CPQ: variants seen among roughly 807,000 people sequenced by gnomAD.
The protein encoded by CPQ is carboxypeptidase Q.
CPQ carries 37 observed loss-of-function variants against 45.7 expected under a neutral mutation model. The ratio of observed to expected loss-of-function variants is 0.81; its 90% CI spans 0.62 to 1.07. CPQ has a LOEUF of 1.07. Among genes scored for constraint, CPQ ranks in the 50% least tolerant of loss-of-function variants. The pLI is 0.00. For missense variants in CPQ, 537 were observed against 572.9 expected (o/e 0.94, Z 0.64); for synonymous variants, 186 against 205.8 (o/e 0.90, Z 0.82).
chr8:97,053,284 G>C (rs578155083), intron 6 of CPQ, among the ~76,000 whole-genome samples: 10 of 152,176 alleles, frequency 6.6e-5, no homozygotes, highest in Non-Finnish European at 1.5e-4. Context: ...AATCAAGACT[G>C]ATAATAAATT....
At chr8:97,101,058 C>G (rs1311917334) in intron 7 of CPQ, among the ~76,000 whole-genome samples, 5 of 152,110 alleles carry the variant, frequency 3.3e-5, no homozygotes, top group African/African-American at 1.2e-4. Flanking sequence ...TAATACTCAA[C>G]CACGTTTGTA....
chr8:97,000,736 C>T (rs1353912704), intron 5 of CPQ, among the ~76,000 whole-genome samples: 2 of 151,946 alleles, frequency 1.3e-5, no homozygotes, highest in African/African-American at 2.4e-5. Context: ...TTTTTTGGTT[C>T]CATGTGAATT....
chr8:97,101,504 T>G (rs867589240), intron 7 of CPQ, among the ~76,000 whole-genome samples: 14 of 150,692 alleles, frequency 9.3e-5, no homozygotes, highest in South Asian at 2.1e-4. Context: ...CCTTAGAGAC[T>G]CTGAGTCTAA....
At chr8:96,990,219 C>T (rs1003173544) in intron 5 of CPQ, among the ~76,000 whole-genome samples, 1 of 152,168 alleles carries the variant, frequency 6.6e-6, no homozygotes, top group Non-Finnish European at 1.5e-5. Context: ...TTGATGTCTC[C>T]TCTCCCTAGA....
At chr8:97,019,536 A>T (rs973204798) in intron 5 of CPQ, among the ~76,000 whole-genome samples, 1 of 152,214 alleles carries the variant, frequency 6.6e-6, no homozygotes, top group East Asian at 1.9e-4. Context: ...AGAAAAAGAG[A>T]TTCCATGCAA....
At chr8:96,804,574 T>A (rs1256679553) in intron 2 of CPQ, among the ~76,000 whole-genome samples, 1 of 152,128 alleles carries the variant, frequency 6.6e-6, no homozygotes, top group Non-Finnish European at 1.5e-5. Context: ...TATCTAGTTT[T>A]TTTAATTTTA....
chr8:96,900,966 A>G (rs1254911820), intron 4 of CPQ, among the ~76,000 whole-genome samples: 6 of 152,116 alleles, frequency 3.9e-5, no homozygotes, highest in East Asian at 1.9e-4. Flanking sequence ...GTCTCTGCCA[A>G]TTTTCTCTTT....
rs193224461 is a variant in CPQ, at chr8:96,981,488, T to C, written c.961+15442T>C. Among the ~76,000 whole-genome samples the C allele has an allele frequency of 4.6e-3, 698 of 152,322 alleles. 9 individuals are homozygous for C. Among genetic ancestry groups the C allele is most frequent in the African/African-American group, 0.015 (623 of 41,578 alleles). On this transcript the variant is annotated intron_variant, in intron 5 of 7. Coordinates refer to ENST00000220763, the MANE Select transcript of CPQ (RefSeq NM_016134.4). ...GGCAGGATGTTAGAATAAAGAAATA[T>C]TTTATGAAGTGCTTCATACTGGAAT... is the stretch of plus-strand genomic sequence containing the variant.
At chr8:96,854,328 G>A (rs1811811842) in intron 3 of CPQ, among the ~76,000 whole-genome samples, 1 of 151,242 alleles carries the variant, frequency 6.6e-6, no homozygotes, top group East Asian at 2.0e-4. Context: ...TCAGGAGATC[G>A]AGACCATCCC....
Position 96,864,402 on chromosome 8 carries a change from C to T in CPQ, c.642-15396C>T, listed in dbSNP as rs568375783. The stretch of plus-strand genomic sequence containing the variant: ...ACCCAAAGCTTTTCCTTCACCCCAA[C>T]AGGAGAGAAGGAGGCTGCAGACCAC... On this transcript the variant is annotated intron_variant, in intron 3 of 7. Transcript: ENST00000220763. Among the ~76,000 whole-genome samples, 3 of 152,022 alleles carry T rather than the reference C, an allele frequency of 2.0e-5. No homozygotes were observed. The South Asian group carries it at 6.2e-4, about 31-fold the overall frequency.
At position 97,000,872 on chromosome 8, in the gene CPQ, C is replaced by T. The variant is rs189057559; in HGVS notation, c.962-28531C>T. Among the ~76,000 whole-genome samples the T allele has an allele frequency of 5.9e-5, 9 of 152,250 alleles. No homozygotes were observed. The East Asian group carries it at 1.5e-3, about 26-fold the overall frequency. ...GATATTAATTATTTGTATCCATGAG[C>T]ATGGAATGTTTTTCCATTTGTTTGT... On this transcript the variant is annotated intron_variant, in intron 5 of 7. Transcript: ENST00000220763.
At chr8:96,828,404 C>T (rs897722858) in intron 2 of CPQ, among the ~76,000 whole-genome samples, 3 of 151,948 alleles carry the variant, frequency 2.0e-5, no homozygotes, top group Admixed American at 1.3e-4. Context: ...CTTACTTTCT[C>T]ATCTTAGTCC....
At chr8:96,842,126 T>G (rs1433018395) in intron 3 of CPQ, among the ~76,000 whole-genome samples, 1 of 152,156 alleles carries the variant, frequency 6.6e-6, no homozygotes, top group Non-Finnish European at 1.5e-5. Context: ...GAGGTCTATT[T>G]TGGATGATTT....
At chr8:96,716,722 A>T (rs1809678234) in intron 1 of CPQ, among the ~76,000 whole-genome samples, 1 of 152,114 alleles carries the variant, frequency 6.6e-6, no homozygotes, top group Non-Finnish European at 1.5e-5. Context: ...AGCCTGGCCA[A>T]CATGGTGAAA....
chr8:96,674,947 C>A (rs1809056000), intron 1 of CPQ, among the ~76,000 whole-genome samples: 1 of 151,874 alleles, frequency 6.6e-6, no homozygotes, highest in African/African-American at 2.4e-5. Context: ...ACACCGATAC[C>A]CTTAAGGGCT....
chr8:96,906,668 A>C (rs1232062367), intron 4 of CPQ, among the ~76,000 whole-genome samples: 1 of 152,144 alleles, frequency 6.6e-6, no homozygotes, highest in Non-Finnish European at 1.5e-5. Flanking sequence ...TCACTTTCTC[A>C]TAGATGGGGC....
intron 1 of CPQ, among the ~76,000 whole-genome samples, chr8:96,707,531 A>G (rs185663042): frequency 2.6e-4 from 40 of 152,094 alleles, no homozygotes; most frequent in African/African-American, 8.9e-4. Context: ...GCCCAAGACA[A>G]TTCTTCTTCC....
In CPQ at chr8:96,774,493, CAT is replaced by C. The variant is rs112038227; in HGVS notation, c.-34-10370_-34-10369del. Among the ~76,000 whole-genome samples, 332 of 152,064 alleles carry C rather than the reference CAT, an allele frequency of 2.2e-3. 2 individuals are homozygous for C. The highest frequency in any genetic ancestry group is 6.9e-3 in the African/African-American group (287 of 41,448). Reference sequence around the variant, plus strand: ...GTGAGATGTGTGCAGAAATGTGTCACATGAGTGATAATGAGGTTGTGAGCTAG... The same window carrying C: ...GTGAGATGTGTGCAGAAATGTGTCACGAGTGATAATGAGGTTGTGAGCTAG... On this transcript the variant is annotated intron_variant, in intron 1 of 7. Coordinates refer to ENST00000220763, the MANE Select transcript of CPQ (RefSeq NM_016134.4).
intron 1 of CPQ, among the ~76,000 whole-genome samples, chr8:96,652,413 G>T (rs1815586772): frequency 6.6e-6 from 1 of 152,138 alleles, no homozygotes; most frequent in Non-Finnish European, 1.5e-5. Context: ...TTTGGCTATT[G>T]TGAATAGTGC....
Sources: allele counts gnomAD v4.1 joint callset (sites outside exome capture counted in the v4.1 genomes callset), GRCh38; gene constraint gnomAD v4.1.1; transcripts MANE v1.5; gene names NCBI Gene and HGNC (gene_info 2026-07-23, HGNC 2026-07-21).